The following MAPKAP1 variants were observed in gnomAD, a reference collection of about 807,000 sequenced individuals.
MAPKAP1 encodes target of rapamycin complex 2 subunit MAPKAP1.
MAPKAP1 carries 20 observed loss-of-function variants against 65.7 expected under a neutral mutation model. The observed-to-expected ratio is 0.30, with a 90% CI of 0.21 to 0.44. The LOEUF is 0.44. Among genes scored for constraint, MAPKAP1 ranks in the 20% least tolerant of loss-of-function variants. The probability of loss-of-function intolerance (pLI) is 1.00; values close to 1 mark genes in which losing one functional copy is unlikely to be tolerated. For synonymous variants in MAPKAP1, 222 were observed against 244.3 expected (o/e 0.91, Z 0.85); for missense variants, 423 against 648.0 (o/e 0.65, Z 3.77).
At chr9:125,555,623 TGGC>T (rs1159969557) in intron 6 of MAPKAP1, among the ~76,000 whole-genome samples, 1 of 152,246 alleles carries the variant, frequency 6.6e-6, no homozygotes, top group Non-Finnish European at 1.5e-5. Context: ...GGTGTCCTCC[TGGC>T]AGCCCACAGA....
At chr9:125,464,888 G>C (rs1048289395) in intron 10 of MAPKAP1, among the ~76,000 whole-genome samples, 5 of 152,206 alleles carry the variant, frequency 3.3e-5, no homozygotes, top group South Asian at 4.1e-4. Context: ...TTAATGGTTT[G>C]ACAGCGGCTT....
At chr9:125,663,278 C>T (rs531959794) in intron 3 of MAPKAP1, among the ~76,000 whole-genome samples, 1 of 152,314 alleles carries the variant, frequency 6.6e-6, no homozygotes, top group Non-Finnish European at 1.5e-5. Flanking sequence ...TTTGAATACA[C>T]CAGGCACGTT....
intron 4 of MAPKAP1, among the ~76,000 whole-genome samples, chr9:125,601,203 T>C (rs1321915100): frequency 2.6e-5 from 4 of 152,188 alleles, no homozygotes; most frequent in African/African-American, 4.8e-5. Flanking sequence ...TCCTAAATTA[T>C]ATGGAAATTT....
At chr9:125,495,199 C>T (rs115522844) in intron 8 of MAPKAP1, among the ~76,000 whole-genome samples, 1 of 152,308 alleles carries the variant, frequency 6.6e-6, no homozygotes, top group African/African-American at 2.4e-5. Context: ...ACTGTAACAT[C>T]TGATCAACAC....
intron 1 of MAPKAP1, among the ~76,000 whole-genome samples, chr9:125,695,064 T>C (rs1009167603): frequency 1.3e-5 from 2 of 152,266 alleles, no homozygotes; most frequent in African/African-American, 4.8e-5. Context: ...GTTGACTGTG[T>C]TAACAATAAT....
In MAPKAP1 at chr9:125,595,967, C is replaced by T. The variant is rs1832113254; in HGVS notation, c.499-10240G>A. ...AAGATTCTCAAAGACCAGGTGCCCA[C>T]TTAACTGTGAAAAAGATATTTGTTG... On this transcript the variant is annotated intron_variant, in intron 4 of 11. Coordinates refer to ENST00000265960, the MANE Select transcript of MAPKAP1 (RefSeq NM_001006617.3). This position sits in a 1 kb window ranked among gnomAD's most constrained non-coding sequence, Gnocchi z 4.0. 2.7e-6 allele frequency: 4 copies of T among 1,505,514 alleles called. No homozygotes were observed. Among genetic ancestry groups the T allele is most frequent in the Non-Finnish European group, 2.7e-6 (3 of 1,096,760 alleles). The allele number at this position is 1,505,514 out of a possible 1,614,324, so 93.3% of individuals were successfully genotyped here. A position where few individuals can be genotyped will look rare whatever the true frequency, so the allele number is the denominator to read the frequency against.
intron 7 of MAPKAP1, among the ~76,000 whole-genome samples, chr9:125,529,048 C>T (rs1829858469): frequency 6.6e-6 from 1 of 151,084 alleles, no homozygotes; most frequent in African/African-American, 2.4e-5. Context: ...GTGGTGTGCA[C>T]CTGTAATCCC....
At chr9:125,667,027 C>A (rs559583754) in intron 3 of MAPKAP1, among the ~76,000 whole-genome samples, 1 of 152,194 alleles carries the variant, frequency 6.6e-6, no homozygotes, top group Non-Finnish European at 1.5e-5. Flanking sequence ...GCTCAATTAT[C>A]AAAATCCGTG....
intron 8 of MAPKAP1, among the ~76,000 whole-genome samples, chr9:125,489,480 T>C (rs1244207621): frequency 1.3e-5 from 2 of 152,184 alleles, no homozygotes; most frequent in African/African-American, 2.4e-5. Flanking sequence ...TGTATTGTGA[T>C]AGATCAAATT....
chr9:125,659,907 C>A (rs1834136658), intron 3 of MAPKAP1, among the ~76,000 whole-genome samples: 1 of 152,124 alleles, frequency 6.6e-6, no homozygotes, highest in African/African-American at 2.4e-5. Context: ...TCGAGGTCAC[C>A]AATGATCCCT....
chr9:125,674,007 A>C (rs1290904991), intron 1 of MAPKAP1, among the ~76,000 whole-genome samples: 1 of 152,192 alleles, frequency 6.6e-6, no homozygotes, highest in African/African-American at 2.4e-5. Flanking sequence ...GTAACAAGAT[A>C]GCACCCTCTC....
chr9:125,610,724 C>A (rs1213237030), intron 4 of MAPKAP1, among the ~76,000 whole-genome samples: 1 of 152,200 alleles, frequency 6.6e-6, no homozygotes, highest in Non-Finnish European at 1.5e-5. Context: ...TATGAAATTT[C>A]TATCCCAAAT....
chr9:125,468,143 C>A, intron 9 of MAPKAP1, 34 bp from the exon 10 acceptor site: 3 of 1,607,664 alleles, frequency 1.9e-6, no homozygotes, highest in Non-Finnish European at 8.5e-7. Context: ...AAAGAAAACA[C>A]AAGAAGTAGA....
At position 125,438,325 on chromosome 9, in the gene MAPKAP1, A is replaced by G; in HGVS notation, c.*562T>C. 1 of 398,954 alleles carries G rather than the reference A, an allele frequency of 2.5e-6. No individual in the cohort carries two copies. Among genetic ancestry groups the G allele is most frequent in the South Asian group, 1.3e-4 (1 of 7,866 alleles). 24.7% of individuals were successfully genotyped at this position (398,954 alleles called of 1,614,324 possible). On this transcript the variant is annotated 3_prime_UTR_variant, in exon 12 of 12. Transcript: ENST00000265960. ...ACTCATTTAAACAAATGGCATAGTT[A>G]AAACTATTGACTAAGACCTAAACAT... is the stretch of plus-strand genomic sequence containing the variant.
chr9:125,565,453 T>G (rs1333213769), intron 5 of MAPKAP1: 3 of 177,892 alleles, frequency 1.7e-5, no homozygotes, highest in Non-Finnish European at 3.9e-5. Context: ...TTATTGTTTT[T>G]TTTTTACATG....
chr9:125,669,710 G>A lies in MAPKAP1; in HGVS notation c.349+108C>T, dbSNP rs111982150. ...AGAGCTCAAAGCTCAAAACACTAGA[G>A]GTATCTAAGTCCAGAGGATTTAAAA... On this transcript the variant is annotated intron_variant, in intron 3 of 11. Transcript: ENST00000265960. 3.5e-3 allele frequency: 1,863 copies of A among 534,696 alleles called. 11 individuals are homozygous for A. The highest frequency in any genetic ancestry group is 0.016 in the Middle Eastern group (30 of 1,866). The allele number at this position is 534,696 out of a possible 1,614,324, so 33.1% of individuals were successfully genotyped here. A position where few individuals can be genotyped will look rare whatever the true frequency, so the allele number is the denominator to read the frequency against.
intron 5 of MAPKAP1, among the ~76,000 whole-genome samples, chr9:125,576,914 A>G (rs1057401387): frequency 6.6e-6 from 1 of 152,006 alleles, no homozygotes. Context: ...CAAAGTGCCG[A>G]GATTGCAGCC....
rs1188814258 is a variant in MAPKAP1 at position 125,447,816 on chromosome 9, G to A, written c.1346-3218C>T. 1.3e-5 allele frequency among the ~76,000 whole-genome samples: 2 copies of A among 152,198 alleles called. No individual in the cohort carries two copies. The highest frequency in any genetic ancestry group is 4.8e-5 in the African/African-American group (2 of 41,438). ...TTTCTTGGGAGGAGCTGACACCTCC[G>A]CAGTTTTGGAGGAGGGCAGGGAGTC... On this transcript the variant is annotated intron_variant, in intron 10 of 11. Transcript: ENST00000265960. This position sits in a 1 kb window ranked among gnomAD's most constrained non-coding sequence, Gnocchi z 4.5.
At chr9:125,689,160 G>GAA in intron 1 of MAPKAP1, among the ~76,000 whole-genome samples, 1 of 151,688 alleles carries the variant, frequency 6.6e-6, no homozygotes, top group South Asian at 2.1e-4. Context: ...CAGGCCAGCC[G>GAA]GGCGCGGTGG....
Sources: allele counts gnomAD v4.1 joint callset (sites outside exome capture counted in the v4.1 genomes callset), GRCh38; gene constraint gnomAD v4.1.1; non-coding constraint Gnocchi (gnomAD v3.1); transcripts MANE v1.5; gene names NCBI Gene and HGNC (gene_info 2026-07-23, HGNC 2026-07-21).